Variants in CCDC124 observed in about 807,000 individuals in gnomAD.
CCDC124 encodes coiled-coil domain containing 124, also known as coiled-coil domain-containing protein 124.
In CCDC124, 9 loss-of-function variants were observed where a neutral mutation model predicts 19.8. The observed-to-expected ratio is 0.45, with a 90% CI of 0.27 to 0.79. The LOEUF is 0.79. Ranked by LOEUF, CCDC124 falls within the 30% of genes least tolerant of loss-of-function variation. CCDC124 has a pLI of 0.14. For synonymous variants in CCDC124, 126 were observed against 131.3 expected (o/e 0.96, Z 0.27); for missense variants, 285 against 319.0 (o/e 0.89, Z 0.81).
Position 17,943,241 on chromosome 19 carries a change from T to TCTGGGGGCCC in CCDC124, c.350-19_350-18insTGGGGGCCCC. 2.7e-6 allele frequency: 2 copies of TCTGGGGGCCC among 736,674 alleles called. No homozygotes were observed. Among genetic ancestry groups the TCTGGGGGCCC allele is most frequent in the Non-Finnish European group, 2.4e-6 (1 of 414,968 alleles). 45.6% of individuals were successfully genotyped at this position (736,674 alleles called of 1,614,324 possible). A position where few individuals can be genotyped will look rare whatever the true frequency, so the allele number is the denominator to read the frequency against. ...CTTTGCTTATCTCTCTCTGTCTCTG[T>TCTGGGGGCCC]CACCCACCCACCCGCCCAGCCGAGA... On this transcript the variant is annotated intron_variant, in intron 3 of 4. Coordinates refer to ENST00000445755, the MANE Select transcript of CCDC124 (RefSeq NM_001136203.2).
rs1281888508 is a variant in CCDC124 at position 17,942,550 on chromosome 19, A to G, written c.160-106A>G. 1 of 1,300,980 alleles carries G rather than the reference A, an allele frequency of 7.7e-7. No individual in the cohort carries two copies. The allele number at this position is 1,300,980 out of a possible 1,614,324, so 80.6% of individuals were successfully genotyped here. ...TCCTGGTATGTCCCCTGCACCCAGC[A>G]CAGAGCCTAAATCCTCGTTGGCTGA... On this transcript the variant is annotated intron_variant, in intron 2 of 4. Coordinates refer to ENST00000445755, the MANE Select transcript of CCDC124 (RefSeq NM_001136203.2). The surrounding 1 kb of genome is among the most constrained non-coding windows in gnomAD (Gnocchi z 4.2).
chr19:17,943,629 C>T lies in CCDC124; in HGVS notation c.586C>T (p.Leu196=). Residue 196 remains leucine, a synonymous_variant, in exon 5 of 5, where the codon CTG becomes TTG. Transcript: ENST00000445755. ...QENPNMRLSQ[L]KQLLKKEWLR... is the part of the protein sequence containing the mutation. ...GAACCCCAACATGCGGCTGTCGCAG[C>T]TGAAACAGCTGCTCAAGAAGGAGTG... The T allele has an allele frequency of 6.2e-7, 1 of 1,612,992 alleles. No homozygotes were observed. The highest frequency in any genetic ancestry group is 8.5e-7 in the Non-Finnish European group (1 of 1,179,960).
intron 2 of CCDC124, among the ~76,000 whole-genome samples, chr19:17,940,542 G>T (rs1254139153): frequency 6.6e-6 from 1 of 151,906 alleles, no homozygotes; most frequent in East Asian, 1.9e-4. Context: ...CAAGGCAGGT[G>T]GATTACAAGG....
intron 1 of CCDC124, 60 bp from the exon 2 acceptor site, chr19:17,936,350 G>A (rs1043673757): frequency 7.1e-7 from 1 of 1,402,278 alleles, no homozygotes; most frequent in African/African-American, 1.4e-5. Context: ...GATTCTGGGG[G>A]TGCTGAGTGC....
rs991648717 is a variant in CCDC124 at position 17,941,511 on chromosome 19, GA to G, written c.160-1130del. Among the ~76,000 whole-genome samples the G allele has an allele frequency of 3.7e-3, 466 of 125,102 alleles. 6 individuals are homozygous for G. The highest frequency in any genetic ancestry group is 4.0e-3 in the Non-Finnish European group (234 of 58,368). The allele number at this position is 125,102 out of a possible 152,430, so 82.1% of individuals were successfully genotyped here. On this transcript the variant is annotated intron_variant, in intron 2 of 4. Coordinates refer to ENST00000445755, the MANE Select transcript of CCDC124 (RefSeq NM_001136203.2). The stretch of plus-strand genomic sequence containing the variant: ...TGGGCGACTGAGAGAGACTGTCTCA[GA>G]AAAAAAAAAAAAAAGGACCCTGTCT...
intron 2 of CCDC124, among the ~76,000 whole-genome samples, chr19:17,937,977 C>A (rs1305010424): frequency 6.6e-6 from 1 of 152,178 alleles, no homozygotes; most frequent in Non-Finnish European, 1.5e-5. Context: ...AGGTGATCCG[C>A]CTGCCTTGGC....
chr19:17,941,950 C>T (rs975470435), intron 2 of CCDC124, among the ~76,000 whole-genome samples: 1 of 152,140 alleles, frequency 6.6e-6, no homozygotes, highest in Non-Finnish European at 1.5e-5. Context: ...GAGTACTGCC[C>T]TGAGCTTCCA....
In CCDC124 at chr19:17,937,986, G is replaced by A. The variant is rs565085568; in HGVS notation, c.159+1407G>A. On this transcript the variant is annotated intron_variant, in intron 2 of 4. Coordinates refer to ENST00000445755, the MANE Select transcript of CCDC124 (RefSeq NM_001136203.2). Reference sequence around the variant, plus strand: ...AACCTCAGGTGATCCGCCTGCCTTGGCCTCCCAAAATGCTGAGATCACAGT... The same window carrying A: ...AACCTCAGGTGATCCGCCTGCCTTGACCTCCCAAAATGCTGAGATCACAGT... 1.2e-3 allele frequency among the ~76,000 whole-genome samples: 184 copies of A among 152,268 alleles called. 1 individual carries two copies. Among genetic ancestry groups the A allele is most frequent in the Non-Finnish European group, 2.2e-3 (149 of 68,020 alleles).
intron 2 of CCDC124, among the ~76,000 whole-genome samples, chr19:17,940,737 AAGATTC>A (rs2031160460): frequency 6.8e-6 from 1 of 148,008 alleles, no homozygotes; most frequent in Middle Eastern, 3.6e-3. Flanking sequence ...GCGACAGTGC[AAGATTC>A]CACCTAAAAA....
At chr19:17,937,173 C>A (rs531577686) in intron 2 of CCDC124, among the ~76,000 whole-genome samples, 1 of 151,740 alleles carries the variant, frequency 6.6e-6, no homozygotes, top group Non-Finnish European at 1.5e-5. Flanking sequence ...CCCAGCTACT[C>A]GGGAGGCTGA....
At chr19:17,936,703 A>G (rs114998375) in intron 2 of CCDC124, 124 bp downstream of exon 2, 8 of 1,268,726 alleles carry the variant, frequency 6.3e-6, no homozygotes, top group Non-Finnish European at 8.6e-6. Context: ...AGGAGGGACC[A>G]GGCGCTGTCG....
intron 2 of CCDC124, among the ~76,000 whole-genome samples, chr19:17,941,867 G>T (rs1202253363): frequency 6.6e-6 from 1 of 152,156 alleles, no homozygotes; most frequent in Non-Finnish European, 1.5e-5. Flanking sequence ...TCAGATGGTG[G>T]AGTCTCAGGC....
rs760151822 is a variant in CCDC124, at chr19:17,943,463, G to A, written c.465-45G>A. ...TGGGGGCGGGGCCGGGCTTTTCGGG[G>A]CAAGGCTGCGCCCAAGGCCCCCTGA... is the stretch of plus-strand genomic sequence containing the variant. On this transcript the variant is annotated intron_variant, in intron 4 of 4. Coordinates refer to ENST00000445755, the MANE Select transcript of CCDC124 (RefSeq NM_001136203.2). 1.9e-6 allele frequency: 3 copies of A among 1,591,110 alleles called. No individual in the cohort carries two copies. In the South Asian group the frequency reaches 3.3e-5, roughly 18 times the overall value.
At chr19:17,941,210 A>G (rs1398142838) in intron 2 of CCDC124, among the ~76,000 whole-genome samples, 1 of 151,450 alleles carries the variant, frequency 6.6e-6, no homozygotes. Context: ...ACCTCTCCTC[A>G]CTTCAAACAT....
intron 4 of CCDC124, 44 bp from the exon 5 acceptor site, chr19:17,943,464 C>T (rs368177324): frequency 2.4e-5 from 38 of 1,592,082 alleles, no homozygotes; most frequent in Non-Finnish European, 3.0e-5. Context: ...CTTTTCGGGG[C>T]AAGGCTGCGC....
intron 1 of CCDC124, chr19:17,935,010 C>T (rs77974138): frequency 0.14 from 21,288 of 151,424 alleles, 3,597 homozygotes; most frequent in African/African-American, 0.41. Flanking sequence ...CAGCCTCCTA[C>T]GCTCAGGCGA....
intron 2 of CCDC124, 184 bp downstream of exon 2, chr19:17,936,763 C>T (rs2031075222): frequency 4.7e-6 from 3 of 641,312 alleles, no homozygotes; most frequent in Non-Finnish European, 7.7e-6. Flanking sequence ...GGCAGATCAC[C>T]TGGGGTCAGG....
intron 1 of CCDC124, among the ~76,000 whole-genome samples, chr19:17,934,077 AC>A (rs1966871685): frequency 6.6e-6 from 1 of 151,982 alleles, no homozygotes; most frequent in African/African-American, 2.4e-5. Flanking sequence ...TAATCCAGGC[AC>A]TTTGAGAGGC....
At chr19:17,936,707 G>A (rs1485457061) in intron 2 of CCDC124, 128 bp downstream of exon 2, 5 of 1,220,770 alleles carry the variant, frequency 4.1e-6, no homozygotes, top group East Asian at 5.2e-5. Context: ...GGGACCAGGC[G>A]CTGTCGCTCA....
Sources: allele counts gnomAD v4.1 joint callset (sites outside exome capture counted in the v4.1 genomes callset), GRCh38; gene constraint gnomAD v4.1.1; non-coding constraint Gnocchi (gnomAD v3.1); transcripts MANE v1.5; gene names NCBI Gene and HGNC (gene_info 2026-07-23, HGNC 2026-07-21).